The following EPG5 variants were observed in gnomAD, a reference collection of about 807,000 sequenced individuals.
EPG5 encodes ectopic P granules protein 5 homolog.
EPG5 carries 159 observed loss-of-function variants against 302.7 expected under a neutral mutation model. The ratio of observed to expected loss-of-function variants is 0.53; its 90% CI spans 0.46 to 0.60. The LOEUF is 0.60. Ranked by LOEUF, EPG5 falls within the 20% of genes least tolerant of loss-of-function variation. EPG5 has a pLI of 0.00. For synonymous variants in EPG5, 1,158 were observed against 1,136.8 expected, an observed-to-expected ratio of 1.02 and a Z score of -0.37; for missense variants, 2,896 against 3,092.4, an observed-to-expected ratio of 0.94 and a Z score of 1.51.
chr18:45,828,671 C>T, the EPG5 span, among the ~76,000 whole-genome samples: 3 of 152,190 alleles, frequency 2.0e-5, no homozygotes, highest in African/African-American at 4.8e-5. Context: ...TGGTGACTGC[C>T]GGGGCATCCA....
chr18:45,857,413 C>T (rs1188185800), intron 42 of EPG5, among the ~76,000 whole-genome samples: 1 of 152,070 alleles, frequency 6.6e-6, no homozygotes, highest in Non-Finnish European at 1.5e-5. Context: ...GCCTGGCCAC[C>T]AACAGATCTT....
the EPG5 span, among the ~76,000 whole-genome samples, chr18:45,805,967 C>G: frequency 6.6e-6 from 1 of 152,280 alleles, no homozygotes; most frequent in South Asian, 2.1e-4. Flanking sequence ...GATAAAAATT[C>G]AGGAAACATA....
chr18:45,877,725 A>G (rs1046370025), intron 34 of EPG5, among the ~76,000 whole-genome samples: 4 of 152,216 alleles, frequency 2.6e-5, no homozygotes, highest in African/African-American at 9.6e-5. Context: ...CCAACCAGCT[A>G]TGAGACTTGA....
At chr18:45,826,387 G>C in the EPG5 span, among the ~76,000 whole-genome samples, 28 of 152,296 alleles carry the variant, frequency 1.8e-4, no homozygotes, top group African/African-American at 5.8e-4. Context: ...GGGACCATCT[G>C]CATCAGAATC....
chr18:45,808,436 T>C, the EPG5 span, among the ~76,000 whole-genome samples: 1 of 152,190 alleles, frequency 6.6e-6, no homozygotes, highest in Non-Finnish European at 1.5e-5. Flanking sequence ...ACAGGTTATG[T>C]AAAGTTAAGA....
intron 26 of EPG5, 43 bp from the exon 27 acceptor site, chr18:45,899,609 G>C (rs914042454): frequency 1.9e-6 from 3 of 1,606,232 alleles, no homozygotes; most frequent in Non-Finnish European, 1.7e-6. Flanking sequence ...CTTAGGAAAG[G>C]TTATATGATA....
chr18:45,815,408 C>A, the EPG5 span, among the ~76,000 whole-genome samples: 7 of 149,758 alleles, frequency 4.7e-5, no homozygotes, highest in East Asian at 1.4e-3. Context: ...AATAAAAAGA[C>A]AAAAATATTT....
chr18:45,907,940 G>T lies in EPG5; in HGVS notation c.4329+18C>A. ...TATGCTAAAAAAAAAAAAAAAAAAA[G>T]GAGGGCTATAATTTCACCTGCTGAT... is the stretch of plus-strand genomic sequence containing the variant. On this transcript the variant is annotated intron_variant, in intron 24 of 43. Transcript: ENST00000282041. 1 of 1,482,480 alleles carries T rather than the reference G, an allele frequency of 6.7e-7. No individual in the cohort carries two copies. Among genetic ancestry groups the T allele is most frequent in the Non-Finnish European group, 8.9e-7 (1 of 1,124,254 alleles). 91.8% of individuals were successfully genotyped at this position (1,482,480 alleles called of 1,614,324 possible). A position where few individuals can be genotyped will look rare whatever the true frequency, so the allele number is the denominator to read the frequency against.
At chr18:45,884,233 A>T (rs1318897870) in intron 30 of EPG5, among the ~76,000 whole-genome samples, 1 of 152,174 alleles carries the variant, frequency 6.6e-6, no homozygotes, top group Non-Finnish European at 1.5e-5. Flanking sequence ...AGAGTCTCAT[A>T]GAAGTGCGAA....
At position 45,864,099 on chromosome 18, in the gene EPG5, A is replaced by C. The variant is rs185871847; in HGVS notation, c.6766+1516T>G. On this transcript the variant is annotated intron_variant, in intron 39 of 43. Coordinates refer to ENST00000282041, the MANE Select transcript of EPG5 (RefSeq NM_020964.3). ...CCTATCCTCTATGCCTTTTAACCTC[A>C]CTTTCGTATTCTTTTTATTTTAGAG... is the stretch of plus-strand genomic sequence containing the variant. Among the ~76,000 whole-genome samples the C allele has an allele frequency of 2.1e-3, 314 of 152,116 alleles. 1 individual carries two copies. The highest frequency in any genetic ancestry group is 7.2e-3 in the African/African-American group (298 of 41,490).
At chr18:45,855,045 T>C (rs1204030048) in intron 43 of EPG5, among the ~76,000 whole-genome samples, 1 of 151,838 alleles carries the variant, frequency 6.6e-6, no homozygotes, top group African/African-American at 2.4e-5. Flanking sequence ...CCATAGGTTA[T>C]AGGAATGTGG....
At chr18:45,839,886 G>A in the EPG5 span, among the ~76,000 whole-genome samples, 23 of 152,286 alleles carry the variant, frequency 1.5e-4, no homozygotes, top group East Asian at 3.3e-3. Flanking sequence ...ACACTCTAGT[G>A]AGATCAGACT....
In EPG5 at chr18:45,922,346, G is replaced by A. The variant is rs757078802; in HGVS notation, c.3093C>T (p.Gly1031=). ...CYLALSMTAV[G]HSIEKFCAEG... ...GGTTCAGCCCAACACTGTACCTGTG[G>A]CCCACAGCTGTCATAGATAAGGCTA... Residue 1031 remains glycine (G), a synonymous_variant, in exon 16 of 44, where the codon GGC becomes GGT. Coordinates refer to ENST00000282041, the MANE Select transcript of EPG5 (RefSeq NM_020964.3). 2.4e-5 allele frequency: 38 copies of A among 1,614,028 alleles called. No homozygotes were observed. The highest frequency in any genetic ancestry group is 8.5e-7 in the Non-Finnish European group (1 of 1,180,028).
intron 38 of EPG5, among the ~76,000 whole-genome samples, chr18:45,866,486 A>G (rs561365205): frequency 6.6e-6 from 1 of 152,278 alleles, no homozygotes; most frequent in East Asian, 1.9e-4. Context: ...GCCTAAGTTC[A>G]TATTACCAAC....
At chr18:45,938,864 TAA>T (rs1033373863) in intron 10 of EPG5, among the ~76,000 whole-genome samples, 1 of 152,162 alleles carries the variant, frequency 6.6e-6, no homozygotes, top group African/African-American at 2.4e-5. Flanking sequence ...GGGCTAAGGC[TAA>T]GAGTTACATG....
At chr18:45,951,356 G>A in intron 3 of EPG5, 118 bp from the exon 4 acceptor site, 1 of 641,268 alleles carries the variant, frequency 1.6e-6, no homozygotes, top group East Asian at 3.4e-5. Context: ...GCAGATAAAA[G>A]GAGAAAAGTT....
At position 45,912,285 on chromosome 18, in the gene EPG5, C is replaced by A; in HGVS notation, c.3983+5G>T. 6.3e-7 allele frequency: 1 copy of A among 1,576,086 alleles called. No individual in the cohort carries two copies. Among genetic ancestry groups the A allele is most frequent in the South Asian group, 1.2e-5 (1 of 86,044 alleles). On this transcript the variant is annotated splice_donor_5th_base_variant and intron_variant, in intron 22 of 43. Coordinates refer to ENST00000282041, the MANE Select transcript of EPG5 (RefSeq NM_020964.3). ...CACAGAAACCTACAATACTGGGCAGCATACCCATACTGTGGTCCCGGACGG... is the reference window on the plus strand; with the variant it reads ...CACAGAAACCTACAATACTGGGCAGAATACCCATACTGTGGTCCCGGACGG...
At chr18:45,863,678 T>C (rs2048681830) in intron 39 of EPG5, among the ~76,000 whole-genome samples, 1 of 152,238 alleles carries the variant, frequency 6.6e-6, no homozygotes, top group Non-Finnish European at 1.5e-5. Context: ...CAATTCTAGG[T>C]TATGAGTCAT....
chr18:45,887,689 A>G, intron 29 of EPG5, 62 bp downstream of exon 29: 1 of 1,352,938 alleles, frequency 7.4e-7, no homozygotes, highest in African/African-American at 1.5e-5. Flanking sequence ...ACTATATCCA[A>G]AGAAGACAGA....
Sources: gnomAD v4.1 joint callset for allele counts (sites outside exome capture counted in the v4.1 genomes callset) on GRCh38, gnomAD v4.1.1 for gene constraint, MANE v1.5 for transcripts, NCBI Gene and HGNC (gene_info 2026-07-23, HGNC 2026-07-21) for gene names.